DAB1: variants seen among roughly 807,000 people sequenced by gnomAD.
The protein encoded by DAB1 is DAB adaptor protein 1.
A neutral mutation model predicts 64.6 loss-of-function variants in DAB1; 15 were observed. The ratio of observed to expected loss-of-function variants is 0.23; its 90% CI spans 0.16 to 0.36. The LOEUF is 0.36. DAB1 is among the 10% of genes least tolerant of loss of function. The pLI is 1.00. For synonymous variants in DAB1, 235 were observed against 251.9 expected (o/e 0.93, Z 0.64); for missense variants, 596 against 706.7 (o/e 0.84, Z 1.78).
chr1:58,256,285 C>T (rs1264291059), intron 4 of DAB1, among the ~76,000 whole-genome samples: 2 of 152,190 alleles, frequency 1.3e-5, no homozygotes, highest in Non-Finnish European at 2.9e-5. Flanking sequence ...GAAAAGGCGC[C>T]ATGGCAGCTC....
At chr1:57,062,783 G>A in intron 9 of DAB1, 101 bp downstream of exon 9, 2 of 954,058 alleles carry the variant, frequency 2.1e-6, no homozygotes, top group Non-Finnish European at 3.3e-6. Context: ...GTGGGGCCAT[G>A]ACACTCATTC....
chr1:57,390,764 C>A (rs991253522), intron 1 of DAB1, among the ~76,000 whole-genome samples: 2 of 152,174 alleles, frequency 1.3e-5, no homozygotes, highest in African/African-American at 2.4e-5. Flanking sequence ...TTAATCTTCC[C>A]AATTTTTATT....
chr1:57,970,859 C>T (rs1645779461), intron 5 of DAB1, among the ~76,000 whole-genome samples: 1 of 152,044 alleles, frequency 6.6e-6, no homozygotes, highest in Admixed American at 6.6e-5. Flanking sequence ...AAGAAACCCA[C>T]AATTTCCTAT....
At chr1:58,273,603 G>A (rs11585131) in intron 4 of DAB1, among the ~76,000 whole-genome samples, 4,163 of 32,970 alleles carry the variant, frequency 0.13, 26 homozygotes, top group Middle Eastern at 0.28. Flanking sequence ...CCTGCAGAGT[G>A]TTTTCCAACT....
chr1:57,520,470 G>A (rs1446674828), intron 7 of DAB1, among the ~76,000 whole-genome samples: 1 of 151,808 alleles, frequency 6.6e-6, no homozygotes. Context: ...TTGTTTGTTT[G>A]TTTTGCATAT....
Position 57,811,703 on chromosome 1 carries a change from G to A in DAB1, n.551+72296C>T, listed in dbSNP as rs146299063. 6.6e-3 allele frequency among the ~76,000 whole-genome samples: 1,011 copies of A among 152,312 alleles called. 4 individuals carry two copies. Among genetic ancestry groups the A allele is most frequent in the South Asian group, 0.016 (75 of 4,826 alleles). On this transcript the variant is annotated intron_variant and non_coding_transcript_variant, in intron 6 of 20. Coordinates refer to the DAB1 transcript ENST00000485760. ...TACTACAAAGTCCTTGCTATCATGG[G>A]CATGATCTTGTTCCCTGCTCCATCC...
chr1:58,132,984 C>T (rs767112199), intron 5 of DAB1, among the ~76,000 whole-genome samples: 17 of 152,298 alleles, frequency 1.1e-4, no homozygotes, highest in South Asian at 2.1e-4. Flanking sequence ...TACATTCCCA[C>T]GAGCTTATAC....
At chr1:57,900,429 C>G (rs545110277) in intron 5 of DAB1, among the ~76,000 whole-genome samples, 3 of 152,148 alleles carry the variant, frequency 2.0e-5, no homozygotes, top group Non-Finnish European at 1.5e-5. Context: ...GTCAGCCTAA[C>G]GAGAATGAGG....
chr1:57,726,342 T>C (rs1470344632), intron 6 of DAB1, among the ~76,000 whole-genome samples: 1 of 152,086 alleles, frequency 6.6e-6, no homozygotes, highest in Non-Finnish European at 1.5e-5. Context: ...TAAATAGAAA[T>C]GTGCCTGACC....
chr1:58,204,427 T>C (rs1658152117), intron 4 of DAB1, among the ~76,000 whole-genome samples: 1 of 152,132 alleles, frequency 6.6e-6, no homozygotes, highest in Non-Finnish European at 1.5e-5. Flanking sequence ...CCCTACTGTG[T>C]TATGGCACAA....
At chr1:57,479,875 C>A (rs1446091581) in intron 7 of DAB1, among the ~76,000 whole-genome samples, 1 of 152,122 alleles carries the variant, frequency 6.6e-6, no homozygotes, top group East Asian at 1.9e-4. Flanking sequence ...AGCCAGGGGC[C>A]GGGCGCGGTG....
At chr1:58,428,823 G>A (rs1325331252) in intron 3 of DAB1, among the ~76,000 whole-genome samples, 1 of 152,044 alleles carries the variant, frequency 6.6e-6, no homozygotes, top group Non-Finnish European at 1.5e-5. Flanking sequence ...ATTTTTTAAG[G>A]TCTAGTTAAG....
Position 57,126,515 on chromosome 1 carries a change from T to C in DAB1, c.306+10028A>G, listed in dbSNP as rs1448544639. 3.3e-5 allele frequency among the ~76,000 whole-genome samples: 5 copies of C among 152,144 alleles called. No homozygotes were observed. The East Asian group carries it at 7.7e-4, about 23-fold the overall frequency. Reference sequence around the variant, plus strand: ...GAGATAATACCTCTATTTCCCAAAATTGTTGTGGCTAGCTAATTAATGTTC... The same window carrying C: ...GAGATAATACCTCTATTTCCCAAAACTGTTGTGGCTAGCTAATTAATGTTC... On this transcript the variant is annotated intron_variant, in intron 4 of 14. Coordinates refer to ENST00000371236, the MANE Select transcript of DAB1 (RefSeq NM_001365792.1).
At chr1:57,373,415 C>G (rs1003149662) in intron 1 of DAB1, among the ~76,000 whole-genome samples, 1 of 152,036 alleles carries the variant, frequency 6.6e-6, no homozygotes, top group Non-Finnish European at 1.5e-5. Context: ...TGTGTGTGCA[C>G]GTGTGTGTGT....
At chr1:57,954,881 A>C (rs1645356415) in intron 5 of DAB1, among the ~76,000 whole-genome samples, 1 of 152,160 alleles carries the variant, frequency 6.6e-6, no homozygotes, top group African/African-American at 2.4e-5. Flanking sequence ...CTAGGTGACA[A>C]ATGGGGCAAG....
intron 2 of DAB1, among the ~76,000 whole-genome samples, chr1:58,526,118 A>G (rs1646346022): frequency 6.6e-6 from 1 of 152,142 alleles, no homozygotes; most frequent in Non-Finnish European, 1.5e-5. Flanking sequence ...ACCAGAACAC[A>G]GAACACACTT....
intron 6 of DAB1, among the ~76,000 whole-genome samples, chr1:57,686,066 G>T (rs187443858): frequency 2.1e-3 from 312 of 151,860 alleles, no homozygotes; most frequent in African/African-American, 7.3e-3. Context: ...AATTAGAGAA[G>T]AATTGAAATT....
intron 6 of DAB1, among the ~76,000 whole-genome samples, chr1:57,700,877 C>T (rs1269016592): frequency 6.6e-6 from 1 of 152,062 alleles, no homozygotes; most frequent in Non-Finnish European, 1.5e-5. Context: ...TTTCATTCTG[C>T]TTTCTTTTTT....
chr1:58,155,772 G>A (rs1342371704), intron 4 of DAB1, among the ~76,000 whole-genome samples: 1 of 152,212 alleles, frequency 6.6e-6, no homozygotes, highest in East Asian at 1.9e-4. Flanking sequence ...TGCCTGGCAC[G>A]TTGCAGGTGA....
Sources: gnomAD v4.1 joint callset for allele counts (sites outside exome capture counted in the v4.1 genomes callset) on GRCh38, gnomAD v4.1.1 for gene constraint, MANE v1.5 for transcripts, NCBI Gene and HGNC (gene_info 2026-07-23, HGNC 2026-07-21) for gene names.